Variants in SEMA5A observed in about 807,000 individuals in gnomAD.
The protein encoded by SEMA5A is semaphorin 5A.
In SEMA5A, 55 loss-of-function variants were observed where a neutral mutation model predicts 135.5. The ratio of observed to expected loss-of-function variants is 0.41; its 90% CI spans 0.33 to 0.51. The LOEUF (loss-of-function observed/expected upper bound fraction) is 0.51. Ranked by LOEUF, SEMA5A falls within the 20% of genes least tolerant of loss-of-function variation. SEMA5A has a pLI of 0.37. For missense variants in SEMA5A, 1,290 were observed against 1,419.9 expected (o/e 0.91, Z 1.47); for synonymous variants, 580 against 546.5 (o/e 1.06, Z -0.85).
chr5:9,209,388 T>C (rs1203919789), intron 8 of SEMA5A, among the ~76,000 whole-genome samples: 1 of 152,236 alleles, frequency 6.6e-6, no homozygotes, highest in African/African-American at 2.4e-5. Context: ...GCCATGTTCA[T>C]TTTTCTCTGA....
chr5:9,212,566 G>A lies in SEMA5A; in HGVS notation c.647-10326C>T, dbSNP rs571967553. 5.0e-4 allele frequency among the ~76,000 whole-genome samples: 76 copies of A among 152,280 alleles called. 2 individuals carry two copies. In the South Asian group the frequency reaches 0.014, roughly 28 times the overall value. The stretch of plus-strand genomic sequence containing the variant: ...GGAAATGGGGGGCTAAGTGAGATGA[G>A]GGCTCAAAGGGAAGATGTTATAAAT... On this transcript the variant is annotated intron_variant, in intron 8 of 22. Coordinates refer to ENST00000382496, the MANE Select transcript of SEMA5A (RefSeq NM_003966.3).
chr5:9,254,668 C>T (rs1186498234), intron 5 of SEMA5A, among the ~76,000 whole-genome samples: 1 of 151,650 alleles, frequency 6.6e-6, no homozygotes, highest in East Asian at 1.9e-4. Context: ...AAGGTAATGC[C>T]ATAGTTTACA....
chr5:9,419,936 T>G (rs1757408024), intron 2 of SEMA5A, among the ~76,000 whole-genome samples: 1 of 152,206 alleles, frequency 6.6e-6, no homozygotes, highest in Non-Finnish European at 1.5e-5. Context: ...CTCTTTGATG[T>G]ACATCCCAAA....
chr5:9,151,364 C>T (rs1319068822), intron 12 of SEMA5A, among the ~76,000 whole-genome samples: 2 of 152,038 alleles, frequency 1.3e-5, no homozygotes, highest in Non-Finnish European at 2.9e-5. Flanking sequence ...ACTGGTTTTC[C>T]AATAATAAAT....
At chr5:9,506,001 A>G (rs750774189) in intron 1 of SEMA5A, among the ~76,000 whole-genome samples, 3 of 152,238 alleles carry the variant, frequency 2.0e-5, no homozygotes, top group Non-Finnish European at 4.4e-5. Context: ...GCACTGGACT[A>G]CTGGTGGTCC....
intron 1 of SEMA5A, among the ~76,000 whole-genome samples, chr5:9,479,459 C>T (rs900145168): frequency 6.6e-5 from 10 of 152,160 alleles, no homozygotes; most frequent in African/African-American, 2.2e-4. Context: ...GTGGGCAAAG[C>T]AAAGCCTTGG....
chr5:9,089,907 T>G (rs1006119306), intron 16 of SEMA5A, among the ~76,000 whole-genome samples: 1 of 152,222 alleles, frequency 6.6e-6, no homozygotes, highest in Non-Finnish European at 1.5e-5. Context: ...ATTGTAACAT[T>G]CTTTCTCTCT....
At chr5:9,390,259 T>TA (rs1436979184) in intron 2 of SEMA5A, among the ~76,000 whole-genome samples, 4 of 151,976 alleles carry the variant, frequency 2.6e-5, no homozygotes, top group Admixed American at 6.6e-5. Context: ...CAGACAGACT[T>TA]AAAAAAAGGG....
chr5:9,357,255 T>G (rs1223896997), intron 3 of SEMA5A, among the ~76,000 whole-genome samples: 1 of 152,196 alleles, frequency 6.6e-6, no homozygotes, highest in African/African-American at 2.4e-5. Context: ...TTAGAACTCC[T>G]TAAAAAAAGA....
At chr5:9,233,046 A>T (rs1183612401) in intron 6 of SEMA5A, among the ~76,000 whole-genome samples, 1 of 152,248 alleles carries the variant, frequency 6.6e-6, no homozygotes, top group Non-Finnish European at 1.5e-5. Flanking sequence ...GACAGGGAGA[A>T]CAATATACAT....
At chr5:9,190,989 T>C (rs180879266) in intron 10 of SEMA5A, among the ~76,000 whole-genome samples, 1 of 152,192 alleles carries the variant, frequency 6.6e-6, no homozygotes, top group East Asian at 1.9e-4. Context: ...AGCATTCACA[T>C]GGGCTACAAA....
Position 9,136,524 on chromosome 5 carries a change from G to C in SEMA5A, c.1579C>G (p.Gln527Glu). The change falls in exon 13 of 23, where the codon CAG becomes GAG. Residue 527 changes from glutamine (Q) to glutamate (E), a missense_variant. Physicochemically the swap from Gln to Glu is conservative, Grantham distance 29 (BLOSUM62 2). Coordinates refer to ENST00000382496, the MANE Select transcript of SEMA5A (RefSeq NM_003966.3). The part of the protein sequence containing the change: ...EESLSMTQWE[Q>E]SISACPTRNL... Reference sequence around the variant, plus strand: ...CTCACCGGACACGCAGAGATGCTCTGTTCCCACTGCGTCATGCTCAGGCTC... The same window carrying C: ...CTCACCGGACACGCAGAGATGCTCTCTTCCCACTGCGTCATGCTCAGGCTC... 1 of 1,613,932 alleles carries C rather than the reference G, an allele frequency of 6.2e-7. No homozygotes were observed. The highest frequency in any genetic ancestry group is 2.2e-5 in the East Asian group (1 of 44,874).
At chr5:9,381,981 T>TGTGTGTGA (rs1411451751) in intron 2 of SEMA5A, among the ~76,000 whole-genome samples, 11 of 99,920 alleles carry the variant, frequency 1.1e-4, no homozygotes, top group African/African-American at 4.4e-4. Flanking sequence ...TGTGTGTGTG[T>TGTGTGTGA]GCGCGCGCGC....
chr5:9,308,845 T>C (rs1332242155), intron 5 of SEMA5A, among the ~76,000 whole-genome samples: 3 of 152,114 alleles, frequency 2.0e-5, no homozygotes, highest in Non-Finnish European at 2.9e-5. Flanking sequence ...TTAGTGCTGC[T>C]GGAGAACTCG....
At chr5:9,464,130 G>T (rs1023247602) in intron 1 of SEMA5A, among the ~76,000 whole-genome samples, 1 of 152,134 alleles carries the variant, frequency 6.6e-6, no homozygotes, top group African/African-American at 2.4e-5. Flanking sequence ...TCCCCACCCT[G>T]AATGACAACA....
At chr5:9,426,928 C>A (rs752339141) in intron 2 of SEMA5A, among the ~76,000 whole-genome samples, 1 of 152,164 alleles carries the variant, frequency 6.6e-6, no homozygotes, top group African/African-American at 2.4e-5. Context: ...CCAGAAGACA[C>A]TTCTAAGACA....
rs945529521 is a variant in SEMA5A, at chr5:9,037,568, C to G, written c.*5329G>C. On this transcript the variant is annotated 3_prime_UTR_variant, in exon 23 of 23. Coordinates refer to ENST00000382496, the MANE Select transcript of SEMA5A (RefSeq NM_003966.3). ...TGTACAATGCATCTTTAATATAAGT[C>G]CATAGGAAAGGAGTATTTAAAGAGT... is the stretch of plus-strand genomic sequence containing the variant. The G allele has an allele frequency of 6.6e-6, 1 of 152,072 alleles. No individual in the cohort carries two copies. Among genetic ancestry groups the G allele is most frequent in the Admixed American group, 6.6e-5 (1 of 15,258 alleles). 9.4% of individuals were successfully genotyped at this position (152,072 alleles called of 1,614,324 possible).
intron 16 of SEMA5A, among the ~76,000 whole-genome samples, chr5:9,073,703 C>G (rs1579342521): frequency 1.3e-5 from 2 of 152,082 alleles, no homozygotes; most frequent in African/African-American, 2.4e-5. Context: ...TATGTAGAAA[C>G]TGTTATGGAG....
chr5:9,504,570 G>A (rs1319526983), intron 1 of SEMA5A, among the ~76,000 whole-genome samples: 1 of 152,240 alleles, frequency 6.6e-6, no homozygotes, highest in Admixed American at 6.5e-5. Flanking sequence ...GAAGGGCAGA[G>A]CATGGTGAGG....
Sources: gnomAD v4.1 joint callset for allele counts (sites outside exome capture counted in the v4.1 genomes callset) on GRCh38, gnomAD v4.1.1 for gene constraint, MANE v1.5 for transcripts, NCBI Gene and HGNC (gene_info 2026-07-23, HGNC 2026-07-21) for gene names.